Variants in MUC7 observed in about 807,000 individuals in gnomAD.
MUC7 encodes mucin-7.
In MUC7, 2 loss-of-function variants were observed where a neutral mutation model predicts 2.5. The observed-to-expected ratio is 0.81, with a 90% CI of 0.33 to 2.55. MUC7 has a LOEUF of 2.55. MUC7 is among the 30% of genes most tolerant of loss of function. The probability of loss-of-function intolerance (pLI) is 0.11; values close to 1 mark genes in which losing one functional copy is unlikely to be tolerated. For synonymous variants in MUC7, 133 were observed against 173.4 expected, an observed-to-expected ratio of 0.77 and a Z score of 1.83; for missense variants, 408 against 455.6, an observed-to-expected ratio of 0.90 and a Z score of 0.95.
At chr4:70,473,854 T>C (rs1239190602) in intron 1 of MUC7, among the ~76,000 whole-genome samples, 153 bp from the exon 2 acceptor site, 1 of 152,210 alleles carries the variant, frequency 6.6e-6, no homozygotes, top group East Asian at 1.9e-4. Context: ...CAATTTTGCA[T>C]CACCCCTATG....
chr4:70,481,988 T>C lies in MUC7; in HGVS notation c.*110T>C. 2 of 1,256,318 alleles carry C rather than the reference T, an allele frequency of 1.6e-6. No individual in the cohort carries two copies. The highest frequency in any genetic ancestry group is 1.1e-6 in the Non-Finnish European group (1 of 915,174). 77.8% of individuals were successfully genotyped at this position (1,256,318 alleles called of 1,614,324 possible). ...CCAACATGAAATTATATTACTCAGA[T>C]TTAAAGCACTATCATTAATCTTTCA... On this transcript the variant is annotated 3_prime_UTR_variant, in exon 3 of 3. Transcript: ENST00000304887.
chr4:70,448,753 C>T (rs111303743), intron 1 of MUC7, among the ~76,000 whole-genome samples: 220 of 152,230 alleles, frequency 1.4e-3, no homozygotes, highest in African/African-American at 5.0e-3. Context: ...GTTTTCTTTG[C>T]TGTGCAGAAG....
intron 1 of MUC7, among the ~76,000 whole-genome samples, chr4:70,452,902 T>G (rs1734313253): frequency 6.6e-6 from 1 of 152,228 alleles, no homozygotes; most frequent in African/African-American, 2.4e-5. Flanking sequence ...CCTCAGGTTT[T>G]GTTTGTCTGG....
chr4:70,437,423 C>T (rs896842965), intron 1 of MUC7, among the ~76,000 whole-genome samples: 1 of 151,192 alleles, frequency 6.6e-6, no homozygotes, highest in Non-Finnish European at 1.5e-5. Context: ...CAAGCCTCAG[C>T]AATGGCAAAT....
At chr4:70,463,493 G>A (rs1427133487) in intron 1 of MUC7, among the ~76,000 whole-genome samples, 4 of 152,136 alleles carry the variant, frequency 2.6e-5, no homozygotes, top group Non-Finnish European at 5.9e-5. Flanking sequence ...GCATTTTGGT[G>A]TAGAAGTGAA....
chr4:70,482,737 A>G lies in MUC7; in HGVS notation c.*859A>G, dbSNP rs1469123753. ...CATGTGAAATGTATTCAACAATGGAATATTTTCTAAAACATTTAGTATACA... is the reference window on the plus strand; with the variant it reads ...CATGTGAAATGTATTCAACAATGGAGTATTTTCTAAAACATTTAGTATACA... On this transcript the variant is annotated 3_prime_UTR_variant, in exon 3 of 3. Coordinates refer to ENST00000304887, the MANE Select transcript of MUC7 (RefSeq NM_152291.3). 1.3e-5 allele frequency: 2 copies of G among 152,176 alleles called. No individual in the cohort carries two copies. Among genetic ancestry groups the G allele is most frequent in the Non-Finnish European group, 2.9e-5 (2 of 68,038 alleles). 9.4% of individuals were successfully genotyped at this position (152,176 alleles called of 1,614,324 possible).
intron 1 of MUC7, among the ~76,000 whole-genome samples, chr4:70,456,557 G>C (rs1402094299): frequency 6.6e-6 from 1 of 152,142 alleles, no homozygotes; most frequent in East Asian, 1.9e-4. Flanking sequence ...GAGAGAGAGA[G>C]AACAAAGGGG....
chr4:70,475,145 G>A (rs1396591524), intron 2 of MUC7, among the ~76,000 whole-genome samples: 1 of 152,112 alleles, frequency 6.6e-6, no homozygotes, highest in Non-Finnish European at 1.5e-5. Flanking sequence ...TGGGTGTGGT[G>A]GTGGGCACCT....
intron 2 of MUC7, among the ~76,000 whole-genome samples, chr4:70,476,043 T>C (rs776984183): frequency 2.0e-5 from 3 of 152,236 alleles, no homozygotes; most frequent in Non-Finnish European, 4.4e-5. Flanking sequence ...TTGAGCAATT[T>C]AGAATCTATT....
intron 2 of MUC7, among the ~76,000 whole-genome samples, chr4:70,476,093 C>A (rs1472062522): frequency 6.6e-6 from 1 of 152,096 alleles, no homozygotes; most frequent in Non-Finnish European, 1.5e-5. Context: ...ATAATAACAA[C>A]ACTATATGCT....
chr4:70,430,570 A>G (rs1472557207), exon 1 of MUC7: 1 of 152,078 alleles, frequency 6.6e-6, no homozygotes, highest in Non-Finnish European at 1.5e-5. Flanking sequence ...GATCCTTCTT[A>G]TTTGCCACCT....
intron 1 of MUC7, among the ~76,000 whole-genome samples, chr4:70,432,674 C>T (rs1262002669): frequency 6.6e-6 from 1 of 152,144 alleles, no homozygotes; most frequent in Non-Finnish European, 1.5e-5. Context: ...TTCTCCCATT[C>T]TGCAGGTTGC....
chr4:70,442,445 C>T (rs769762972), intron 1 of MUC7, among the ~76,000 whole-genome samples: 9 of 152,210 alleles, frequency 5.9e-5, no homozygotes, highest in Admixed American at 1.3e-4. Flanking sequence ...CCTCCCTCCC[C>T]ACCACCCCAA....
chr4:70,470,796 A>G (rs1734816597), upstream of MUC7, among the ~76,000 whole-genome samples: 3 of 152,346 alleles, frequency 2.0e-5, no homozygotes, highest in African/African-American at 7.2e-5. Flanking sequence ...AATTAATATT[A>G]TAGCCCATAT....
chr4:70,449,679 T>A (rs927461457), intron 1 of MUC7, among the ~76,000 whole-genome samples: 1 of 152,196 alleles, frequency 6.6e-6, no homozygotes, highest in Non-Finnish European at 1.5e-5. Flanking sequence ...GAGTCAGTAA[T>A]GCTGTGGTTC....
chr4:70,463,781 A>G (rs528393070), intron 1 of MUC7, among the ~76,000 whole-genome samples: 1 of 152,222 alleles, frequency 6.6e-6, no homozygotes, highest in Non-Finnish European at 1.5e-5. Context: ...CCGCTATGCA[A>G]GGACACAACA....
upstream of MUC7, among the ~76,000 whole-genome samples, chr4:70,470,515 A>T (rs188924371): frequency 4.4e-3 from 672 of 152,346 alleles, 2 homozygotes; most frequent in Non-Finnish European, 7.9e-3. Flanking sequence ...TATTTTTCCA[A>T]TATTTAAAGA....
chr4:70,453,010 G>A (rs1734317013), intron 1 of MUC7, among the ~76,000 whole-genome samples: 1 of 152,158 alleles, frequency 6.6e-6, no homozygotes, highest in Admixed American at 6.5e-5. Context: ...TATATGTCAT[G>A]CCACTCTCTC....
intron 1 of MUC7, among the ~76,000 whole-genome samples, chr4:70,432,584 TG>T (rs1298599237): frequency 6.6e-6 from 1 of 152,226 alleles, no homozygotes. Context: ...GCCCACTTTT[TG>T]ATGGGGTTTT....
Sources: allele counts gnomAD v4.1 joint callset (sites outside exome capture counted in the v4.1 genomes callset), GRCh38; gene constraint gnomAD v4.1.1; transcripts MANE v1.5; gene names NCBI Gene and HGNC (gene_info 2026-07-23, HGNC 2026-07-21).